Variants in IGF2BP3 observed in about 807,000 individuals in gnomAD.
IGF2BP3 encodes insulin-like growth factor 2 mRNA-binding protein 3.
In IGF2BP3, 9 loss-of-function variants were observed where a neutral mutation model predicts 73.8. That is an observed-to-expected ratio of 0.12 (90% CI 0.07 to 0.21). The LOEUF is 0.21. IGF2BP3 is among the 10% of genes least tolerant of loss of function. IGF2BP3 has a pLI of 1.00. For missense variants in IGF2BP3, 542 were observed against 714.0 expected, an observed-to-expected ratio of 0.76 and a Z score of 2.75; for synonymous variants, 258 against 256.7, an observed-to-expected ratio of 1.01 and a Z score of -0.05.
intron 3 of IGF2BP3, among the ~76,000 whole-genome samples, chr7:23,397,947 G>C (rs1350871030): frequency 6.6e-6 from 1 of 152,152 alleles, no homozygotes; most frequent in Non-Finnish European, 1.5e-5. Flanking sequence ...TTACAAAAGG[G>C]GCGAGAGAGG....
intron 2 of IGF2BP3, among the ~76,000 whole-genome samples, chr7:23,425,810 C>CT (rs1365247361): frequency 2.0e-5 from 3 of 151,944 alleles, no homozygotes; most frequent in African/African-American, 7.3e-5. Context: ...CTAAAACTGA[C>CT]TTTTTTAGCC....
intron 3 of IGF2BP3, among the ~76,000 whole-genome samples, chr7:23,385,126 G>A (rs940098053): frequency 6.6e-6 from 1 of 152,096 alleles, no homozygotes; most frequent in Non-Finnish European, 1.5e-5. Context: ...ATTAATAAAT[G>A]AAAGAATAAT....
At chr7:23,436,239 T>TA in intron 2 of IGF2BP3, among the ~76,000 whole-genome samples, 1 of 152,316 alleles carries the variant, frequency 6.6e-6, no homozygotes, top group South Asian at 2.1e-4. Flanking sequence ...ACCAGTGAGT[T>TA]AGTGTCATGT....
At chr7:23,441,710 T>C (rs1412655979) in intron 2 of IGF2BP3, among the ~76,000 whole-genome samples, 2 of 149,198 alleles carry the variant, frequency 1.3e-5, no homozygotes, top group Non-Finnish European at 3.0e-5. Context: ...ACTCAGAGAG[T>C]GTGAAAACTC....
intron 6 of IGF2BP3, 123 bp downstream of exon 6, chr7:23,351,182 A>G: frequency 1.0e-6 from 1 of 987,688 alleles, no homozygotes; most frequent in South Asian, 1.6e-5. Flanking sequence ...CACATTCCCA[A>G]GTACTGTACA....
chr7:23,322,912 C>T (rs1037987648), intron 10 of IGF2BP3, among the ~76,000 whole-genome samples: 5 of 152,082 alleles, frequency 3.3e-5, no homozygotes, highest in Admixed American at 1.3e-4. Flanking sequence ...AAAAGAGCTC[C>T]TGAAGGAAGC....
chr7:23,454,776 C>T (rs1788277672), intron 2 of IGF2BP3, among the ~76,000 whole-genome samples: 1 of 152,198 alleles, frequency 6.6e-6, no homozygotes, highest in South Asian at 2.1e-4. Flanking sequence ...TACGTGCACA[C>T]AGAAGTGTCT....
intron 2 of IGF2BP3, among the ~76,000 whole-genome samples, chr7:23,438,573 C>G (rs1269126450): frequency 6.6e-6 from 1 of 152,164 alleles, no homozygotes; most frequent in African/African-American, 2.4e-5. Flanking sequence ...TCAAGAAGTT[C>G]CCTTTGACCA....
rs1179130528 is a variant in IGF2BP3, at chr7:23,312,757, G to A, written c.1619C>T (p.Thr540Ile). ...DENDQVVVKI[T>I]GHFYACQVAQ... ...TGCCTGGCAAGCATAGAAGTGACCA[G>A]TTATTTTGACAACCACTTGGTCATT... The change falls in exon 14 of 15, where the codon ACT becomes ATT. Residue 540 changes from threonine (T) to isoleucine (I), a missense_variant. Thr to Ile is a moderately conservative substitution (Grantham distance 89, BLOSUM62 -1). This residue lies in a region of IGF2BP3 where 303 missense variants were observed against 472.1 expected (regional missense o/e 0.64). Coordinates refer to ENST00000258729, the MANE Select transcript of IGF2BP3 (RefSeq NM_006547.3). The A allele has an allele frequency of 1.2e-6, 2 of 1,610,138 alleles. No individual in the cohort carries two copies. Among genetic ancestry groups the A allele is most frequent in the African/African-American group, 2.7e-5 (2 of 74,934 alleles).
chr7:23,436,675 A>G (rs1787814307), intron 2 of IGF2BP3, among the ~76,000 whole-genome samples: 1 of 152,220 alleles, frequency 6.6e-6, no homozygotes, highest in Admixed American at 6.6e-5. Flanking sequence ...CCATGCACAT[A>G]ACCTGAGATG....
At chr7:23,453,571 C>T (rs1221593666) in intron 2 of IGF2BP3, among the ~76,000 whole-genome samples, 1 of 152,144 alleles carries the variant, frequency 6.6e-6, no homozygotes, top group Non-Finnish European at 1.5e-5. Context: ...TAAAACTGTG[C>T]TTACAGATTA....
intron 10 of IGF2BP3, among the ~76,000 whole-genome samples, chr7:23,331,072 T>C (rs1318443813): frequency 6.6e-6 from 1 of 152,230 alleles, no homozygotes; most frequent in Non-Finnish European, 1.5e-5. Context: ...GTGTTGGGAT[T>C]ACAGGCATGA....
At chr7:23,394,938 A>G (rs1417415486) in intron 3 of IGF2BP3, among the ~76,000 whole-genome samples, 1 of 152,216 alleles carries the variant, frequency 6.6e-6, no homozygotes. Flanking sequence ...CAATAATGGA[A>G]TACTGGAAGT....
At chr7:23,439,796 G>T (rs1562754788) in intron 2 of IGF2BP3, among the ~76,000 whole-genome samples, 1 of 152,074 alleles carries the variant, frequency 6.6e-6, no homozygotes, top group Admixed American at 6.6e-5. Context: ...AACTGAGGTG[G>T]GTGGGAGCAC....
intron 5 of IGF2BP3, among the ~76,000 whole-genome samples, chr7:23,360,590 T>C (rs1785201074): frequency 6.6e-6 from 1 of 152,258 alleles, no homozygotes; most frequent in Admixed American, 6.5e-5. Flanking sequence ...ATTTACCTTA[T>C]ACACATTTCC....
chr7:23,410,095 G>A (rs1786970492), intron 3 of IGF2BP3, among the ~76,000 whole-genome samples: 1 of 152,140 alleles, frequency 6.6e-6, no homozygotes, highest in Non-Finnish European at 1.5e-5. Context: ...CTTGAACCCA[G>A]GAGGCAGAGG....
chr7:23,419,941 A>G (rs933468267), intron 2 of IGF2BP3, among the ~76,000 whole-genome samples: 3 of 152,184 alleles, frequency 2.0e-5, no homozygotes, highest in African/African-American at 7.2e-5. Context: ...AGAAAATGTT[A>G]AGAATCAGCA....
At chr7:23,314,628 G>C (rs977595241) in intron 12 of IGF2BP3, among the ~76,000 whole-genome samples, 6 of 151,994 alleles carry the variant, frequency 3.9e-5, no homozygotes, top group Non-Finnish European at 8.8e-5. Context: ...GAGCAAAAGA[G>C]ACAGAACTGC....
At chr7:23,403,487 G>T (rs1334768069) in intron 3 of IGF2BP3, among the ~76,000 whole-genome samples, 2 of 152,118 alleles carry the variant, frequency 1.3e-5, no homozygotes, top group Admixed American at 6.5e-5. Context: ...CTTCAGGATT[G>T]TAATTGGAAC....
Sources: allele counts gnomAD v4.1 joint callset (sites outside exome capture counted in the v4.1 genomes callset), GRCh38; gene constraint gnomAD v4.1.1; regional missense constraint gnomAD v4.1.1; transcripts MANE v1.5; gene names NCBI Gene and HGNC (gene_info 2026-07-23, HGNC 2026-07-21).